PIBF1: variants seen among roughly 807,000 people sequenced by gnomAD.
PIBF1 encodes the protein progesterone immunomodulatory binding factor 1.
Under a neutral mutation model 112.5 loss-of-function variants are expected in PIBF1, and 90 were observed. The ratio of observed to expected loss-of-function variants is 0.80; its 90% confidence interval spans 0.67 to 0.95. PIBF1 has a LOEUF of 0.95. Ranked by LOEUF, PIBF1 falls within the 40% of genes least tolerant of loss-of-function variation. PIBF1 has a pLI of 0.00. For synonymous variants in PIBF1, 301 were observed against 288.6 expected (o/e 1.04, Z -0.44); for missense variants, 915 against 852.3 (o/e 1.07, Z -0.92).
At chr13:72,853,009 T>C (rs1205513607) in intron 9 of PIBF1, among the ~76,000 whole-genome samples, 1 of 151,938 alleles carries the variant, frequency 6.6e-6, no homozygotes, top group Non-Finnish European at 1.5e-5. Context: ...AGCAAAATCA[T>C]TTATATTACA....
At position 72,868,292 on chromosome 13, in the gene PIBF1, C is replaced by T. The variant is rs143436023; in HGVS notation, c.1322+14137C>T. Among the ~76,000 whole-genome samples the T allele has an allele frequency of 4.1e-4, 61 of 150,312 alleles. No individual in the cohort carries two copies. The East Asian group carries it at 9.0e-3, about 22-fold the overall frequency. On this transcript the variant is annotated intron_variant, in intron 10 of 17. Coordinates refer to ENST00000326291, the MANE Select transcript of PIBF1 (RefSeq NM_006346.4). ...CCCCTGCCTGAGCAACAGAATAAAA[C>T]CCTGTCTCTTTATTAAAAAAGAAAA... is the stretch of plus-strand genomic sequence containing the variant.
At chr13:72,805,945 A>C (rs2035708177) in intron 5 of PIBF1, among the ~76,000 whole-genome samples, 1 of 152,278 alleles carries the variant, frequency 6.6e-6, no homozygotes, top group African/African-American at 2.4e-5. Context: ...CAAATGGACA[A>C]ATTATATTTC....
rs147374219 is a variant in PIBF1, at chr13:72,983,342, A to G, written c.2049+9667A>G. 1.4e-3 allele frequency among the ~76,000 whole-genome samples: 219 copies of G among 152,164 alleles called. 5 individuals are homozygous for G. Among genetic ancestry groups the G allele is most frequent in the African/African-American group, 5.1e-3 (212 of 41,550 alleles). The stretch of plus-strand genomic sequence containing the variant: ...GTTTCTGAGACCTGGGATATCTTCT[A>G]TCCTCTCATTGCAGTGTTTTTGCCA... On this transcript the variant is annotated intron_variant, in intron 16 of 17. Coordinates refer to ENST00000326291, the MANE Select transcript of PIBF1 (RefSeq NM_006346.4).
intron 5 of PIBF1, among the ~76,000 whole-genome samples, chr13:72,801,779 A>G (rs1010312681): frequency 6.6e-6 from 1 of 152,206 alleles, no homozygotes; most frequent in African/African-American, 2.4e-5. Context: ...CATCATGTTT[A>G]GTGCAGAACT....
At chr13:72,856,723 C>T (rs1351587592) in intron 10 of PIBF1, among the ~76,000 whole-genome samples, 3 of 152,016 alleles carry the variant, frequency 2.0e-5, no homozygotes, top group African/African-American at 7.2e-5. Flanking sequence ...GGAAAAGTAT[C>T]CCTGGTTAGG....
rs1259527169 is a variant in PIBF1, at chr13:72,964,789, G to A, written c.1834-485G>A. 3.3e-5 allele frequency among the ~76,000 whole-genome samples: 5 copies of A among 152,216 alleles called. No individual in the cohort carries two copies. The South Asian group carries it at 6.2e-4, about 19-fold the overall frequency. On this transcript the variant is annotated intron_variant, in intron 14 of 17. Coordinates refer to ENST00000326291, the MANE Select transcript of PIBF1 (RefSeq NM_006346.4). ...TTATTTAAAATTTTTTCAGCCAGGCGAGGTGGCTCACACCCGTAGTCCCCG... is the reference window on the plus strand; with the variant it reads ...TTATTTAAAATTTTTTCAGCCAGGCAAGGTGGCTCACACCCGTAGTCCCCG...
intron 8 of PIBF1, among the ~76,000 whole-genome samples, chr13:72,829,166 T>A (rs544927545): frequency 6.6e-6 from 1 of 152,330 alleles, no homozygotes; most frequent in African/African-American, 2.4e-5. Context: ...TCTTTGTAGA[T>A]TCTGGATATT....
chr13:72,931,271 A>G lies in PIBF1; in HGVS notation c.1833+4A>G, dbSNP rs377082150. On this transcript the variant is annotated splice_donor_region_variant and intron_variant, in intron 14 of 17. Coordinates refer to ENST00000326291, the MANE Select transcript of PIBF1 (RefSeq NM_006346.4). ...AGTAACACAGCTTTCACAAGAGGTA[A>G]ATAACTTAAAGAAACCCATATGAAG... The G allele has an allele frequency of 1.2e-4, 178 of 1,545,704 alleles. No individual in the cohort carries two copies. The highest frequency in any genetic ancestry group is 1.6e-4 in the Non-Finnish European group (175 of 1,121,554).
At chr13:72,953,239 C>T (rs2042350463) in intron 14 of PIBF1, among the ~76,000 whole-genome samples, 1 of 152,172 alleles carries the variant, frequency 6.6e-6, no homozygotes, top group Non-Finnish European at 1.5e-5. Context: ...GTAGACTTTC[C>T]CCCTATGAGC....
intron 17 of PIBF1, among the ~76,000 whole-genome samples, chr13:73,011,605 A>G (rs2044205412): frequency 6.6e-6 from 1 of 152,130 alleles, no homozygotes; most frequent in Non-Finnish European, 1.5e-5. Flanking sequence ...GGCCCACCTA[A>G]GAAGGGAAAA....
At chr13:72,941,477 A>G (rs1432678341) in intron 14 of PIBF1, among the ~76,000 whole-genome samples, 1 of 152,204 alleles carries the variant, frequency 6.6e-6, no homozygotes, top group Non-Finnish European at 1.5e-5. Context: ...ATTTCCCACT[A>G]TATTCAACAA....
At chr13:73,014,781 C>T (rs1223124700) in intron 17 of PIBF1, among the ~76,000 whole-genome samples, 1 of 151,922 alleles carries the variant, frequency 6.6e-6, no homozygotes, top group African/African-American at 2.4e-5. Context: ...GCCGCCTTGA[C>T]CTCCTGGGCC....
chr13:72,785,673 T>G (rs545380515), intron 2 of PIBF1, among the ~76,000 whole-genome samples: 3 of 152,356 alleles, frequency 2.0e-5, no homozygotes, highest in Admixed American at 6.5e-5. Flanking sequence ...TTACTCTTTT[T>G]GCATTTCACA....
At chr13:72,819,763 C>T (rs1032532225) in intron 5 of PIBF1, among the ~76,000 whole-genome samples, 2 of 151,970 alleles carry the variant, frequency 1.3e-5, no homozygotes, top group African/African-American at 2.4e-5. Context: ...CCTTCTGCCC[C>T]TACCGCTAAA....
intron 13 of PIBF1, among the ~76,000 whole-genome samples, chr13:72,920,447 T>C (rs1032184405): frequency 3.9e-5 from 6 of 152,214 alleles, no homozygotes; most frequent in African/African-American, 1.4e-4. Context: ...ACAAAATTGA[T>C]CAATGGCACT....
chr13:72,937,871 A>G (rs2041912977), intron 14 of PIBF1, among the ~76,000 whole-genome samples: 2 of 152,304 alleles, frequency 1.3e-5, no homozygotes, highest in South Asian at 4.1e-4. Context: ...AGATATAATA[A>G]TATGAGGGAA....
Position 72,792,457 on chromosome 13 carries a change from T to G in PIBF1, c.263T>G (p.Leu88Trp). The G allele has an allele frequency of 3.2e-6, 5 of 1,548,310 alleles. No individual in the cohort carries two copies. Among genetic ancestry groups the G allele is most frequent in the Non-Finnish European group, 4.4e-6 (5 of 1,145,264 alleles). The change falls in exon 3 of 18, where the codon TTG (leucine) becomes TGG (tryptophan). Residue 88 changes from leucine (L) to tryptophan (W), a missense_variant. Leu to Trp is a moderately conservative substitution (Grantham distance 61). Transcript: ENST00000326291. ...KVDYLTKIEE[L>W]EEKLNDALHQ... ...TTTCTCTTTACGAAGATTGAAGAAT[T>G]GGAGGAGAAACTTAATGATGCACTT... is the stretch of plus-strand genomic sequence containing the variant.
intron 17 of PIBF1, among the ~76,000 whole-genome samples, chr13:73,009,489 T>A (rs1015761689): frequency 1.3e-5 from 2 of 152,180 alleles, no homozygotes; most frequent in African/African-American, 4.8e-5. Context: ...CACAGAGTAG[T>A]TAGTCAAATA....
At chr13:72,895,506 A>G (rs1394051640) in intron 11 of PIBF1, among the ~76,000 whole-genome samples, 1 of 152,024 alleles carries the variant, frequency 6.6e-6, no homozygotes, top group East Asian at 1.9e-4. Flanking sequence ...AATGAAATGC[A>G]AATTGCTAAT....
Sources: allele counts gnomAD v4.1 joint callset (sites outside exome capture counted in the v4.1 genomes callset), GRCh38; gene constraint gnomAD v4.1.1; transcripts MANE v1.5; gene names NCBI Gene and HGNC (gene_info 2026-07-23, HGNC 2026-07-21).